Variants in IFT172 observed in about 807,000 individuals in gnomAD.
IFT172 encodes the protein intraflagellar transport 172.
IFT172 carries 164 observed loss-of-function variants against 248.9 expected under a neutral mutation model. That is an observed-to-expected ratio of 0.66 (90% CI 0.58 to 0.75). IFT172 has a LOEUF of 0.75. IFT172 is among the 30% of genes least tolerant of loss of function. The pLI is 0.00. For synonymous variants in IFT172, 729 were observed against 791.6 expected (o/e 0.92, Z 1.33); for missense variants, 1,950 against 2,192.4 (o/e 0.89, Z 2.21).
chr2:27,483,453 A>T, intron 6 of IFT172, 77 bp from the exon 7 acceptor site: 1 of 1,405,404 alleles, frequency 7.1e-7, no homozygotes, highest in South Asian at 1.2e-5. Flanking sequence ...TCTGTCAAAC[A>T]CAACCTTGTC....
At position 27,477,571 on chromosome 2, in the gene IFT172, A is replaced by G. The variant is rs746784372; in HGVS notation, c.1209T>C (p.Phe403=). Residue 403 remains phenylalanine, a synonymous_variant, in exon 12 of 48, where the codon TTT becomes TTC. Transcript: ENST00000260570. ...AAGCTCTACTCACATTCTCATTTTC[A>G]AAGAAATACTTCTCATTGCCACCAG... ...QGSGGNEKYF[F]ENENVCMIFN... 6.2e-7 allele frequency: 1 copy of G among 1,609,008 alleles called. No individual in the cohort carries two copies. Among genetic ancestry groups the G allele is most frequent in the Non-Finnish European group, 8.5e-7 (1 of 1,175,288 alleles).
In IFT172 at chr2:27,461,040, G is replaced by C; in HGVS notation, c.2496C>G (p.Tyr832Ter). The stretch of plus-strand genomic sequence containing the variant: ...CTTTCATGAATGCGTTGCCTTTACG[G>C]TAGCACTCCAGGGCCTTCTGTGGAT... ...IHNPQKALEC[Y>*]RKGNAFMKAV... Residue 832 changes from tyrosine to a stop codon, truncating the protein, a stop_gained, in exon 23 of 48, where the codon TAC becomes TAG. Coordinates refer to ENST00000260570, the MANE Select transcript of IFT172 (RefSeq NM_015662.3). LOFTEE classifies it high-confidence loss of function. 3.1e-6 allele frequency: 5 copies of C among 1,614,128 alleles called. No homozygotes were observed. Among genetic ancestry groups the C allele is most frequent in the Non-Finnish European group, 3.4e-6 (4 of 1,180,032 alleles).
intron 7 of IFT172, 86 bp downstream of exon 7, chr2:27,483,203 G>C (rs1404054453): frequency 7.2e-5 from 58 of 801,204 alleles, no homozygotes; most frequent in Non-Finnish European, 1.2e-4. Flanking sequence ...TTTTGGTAGA[G>C]ACAGGGTTTC....
chr2:27,449,435 A>G (rs1357528425), intron 38 of IFT172, 55 bp from the exon 39 acceptor site: 1 of 1,613,872 alleles, frequency 6.2e-7, no homozygotes, highest in African/African-American at 1.3e-5. Flanking sequence ...GAGGGAAAGA[A>G]GAGGGAGAGA....
At chr2:27,480,901 G>A (rs1442372925) in intron 8 of IFT172, 145 bp downstream of exon 8, 9 of 654,268 alleles carry the variant, frequency 1.4e-5, no homozygotes, top group African/African-American at 3.6e-5. Flanking sequence ...AATGGATAGC[G>A]GGAGCAGGAA....
In IFT172 at chr2:27,449,773, G is replaced by C; in HGVS notation, c.4078C>G (p.Leu1360Val). The C allele has an allele frequency of 6.2e-7, 1 of 1,613,854 alleles. No homozygotes were observed. The highest frequency in any genetic ancestry group is 1.1e-5 in the South Asian group (1 of 91,054). Residue 1360 changes from leucine (L) to valine (V), a missense_variant, in exon 37 of 48, where the codon CTT becomes GTT. Coordinates refer to ENST00000260570, the MANE Select transcript of IFT172 (RefSeq NM_015662.3). ...AAAELYLNLD[L>V]VKEAIDAFIE... The stretch of plus-strand genomic sequence containing the variant: ...AAAGCATCGATTGCTTCCTTGACAA[G>C]GTCCAGATTCAGATAGAGCTCTGCA...
chr2:27,479,505 T>C lies in IFT172; in HGVS notation c.1005+4A>G. The C allele has an allele frequency of 3.2e-6, 5 of 1,570,410 alleles. No individual in the cohort carries two copies. The highest frequency in any genetic ancestry group is 4.4e-6 in the Non-Finnish European group (5 of 1,140,174). ...TCAGTGCAGTAGGCTACCATCCTGCTTACCTGGCTAGGTCCCACATACGTC... is the reference window on the plus strand; with the variant it reads ...TCAGTGCAGTAGGCTACCATCCTGCCTACCTGGCTAGGTCCCACATACGTC... On this transcript the variant is annotated splice_donor_region_variant and intron_variant, in intron 10 of 47. Transcript: ENST00000260570.
At chr2:27,461,735 CTG>C (rs1666688920) in intron 21 of IFT172, 22 bp downstream of exon 21, 1 of 1,613,868 alleles carries the variant, frequency 6.2e-7, no homozygotes, top group Admixed American at 1.7e-5. Flanking sequence ...TTCTGAACAA[CTG>C]TGGAGAAGAT....
In IFT172 at chr2:27,454,339, T is replaced by C. The variant is rs1183655052; in HGVS notation, c.3530+15A>G. 1 of 1,614,022 alleles carries C rather than the reference T, an allele frequency of 6.2e-7. No homozygotes were observed. Among genetic ancestry groups the C allele is most frequent in the East Asian group, 2.2e-5 (1 of 44,882 alleles). On this transcript the variant is annotated intron_variant, in intron 32 of 47. Transcript: ENST00000260570. The surrounding 1 kb of genome is among the most constrained non-coding windows in gnomAD (Gnocchi z 4.2). ...ACTGGGGAAACAGTATTAAGGAATG[T>C]ATGGGGTAACTCACATGAGGACTGC... is the stretch of plus-strand genomic sequence containing the variant.
chr2:27,455,317 G>T, intron 30 of IFT172: 1 of 327,030 alleles, frequency 3.1e-6, no homozygotes, highest in South Asian at 2.6e-5. Flanking sequence ...AATAATTGAT[G>T]ATCACAGCTA....
chr2:27,476,532 C>A, intron 14 of IFT172, 109 bp downstream of exon 14: 1 of 688,446 alleles, frequency 1.5e-6, no homozygotes, highest in Admixed American at 2.3e-5. Context: ...TTACTATTTA[C>A]CTGGTGCGTC....
At chr2:27,485,612 C>T (rs991922449) in intron 1 of IFT172, 109 bp from the exon 2 acceptor site, 38 of 1,281,674 alleles carry the variant, frequency 3.0e-5, no homozygotes, top group South Asian at 5.7e-5. Flanking sequence ...CTTCCTGTCA[C>T]GGTTCTATCC....
intron 35 of IFT172, among the ~76,000 whole-genome samples, chr2:27,452,795 C>T (rs1278807077): frequency 6.6e-6 from 1 of 152,236 alleles, no homozygotes; most frequent in African/African-American, 2.4e-5. Context: ...ACCATGCCCA[C>T]CCATGTGGTC....
chr2:27,461,380 C>G lies in IFT172; in HGVS notation c.2331G>C (p.Gly777=), dbSNP rs1244485412. ...LAAISLYLKA[G]LPAKAARLVL... is the part of the protein sequence containing the mutation. ...CCAGCCGAGCAGCTTTGGCAGGGAG[C>G]CCAGCTTTGAGGTAGAGGCTGATGG... Residue 777 remains glycine (G), a synonymous_variant, in exon 22 of 48, where the codon GGG becomes GGC. Coordinates refer to ENST00000260570, the MANE Select transcript of IFT172 (RefSeq NM_015662.3). 3 of 1,614,114 alleles carry G rather than the reference C, an allele frequency of 1.9e-6. No individual in the cohort carries two copies. The highest frequency in any genetic ancestry group is 1.7e-5 in the Admixed American group (1 of 60,022).
chr2:27,448,067 A>G (rs546939809), intron 40 of IFT172, 145 bp from the exon 41 acceptor site: 28 of 404,504 alleles, frequency 6.9e-5, no homozygotes, highest in Non-Finnish European at 1.2e-4. Context: ...ACAGTGGCAG[A>G]TTTTTATTTT....
rs1667001758 is a variant in IFT172, at chr2:27,465,291, T to C, written c.1937+120A>G. ...TACTGCAGAAGGGCTCTATGCTATT[T>C]GCTGGCAGTGGGAAGGGAGGGAGTA... On this transcript the variant is annotated intron_variant, in intron 18 of 47. Coordinates refer to ENST00000260570, the MANE Select transcript of IFT172 (RefSeq NM_015662.3). The C allele has an allele frequency of 1.3e-4, 99 of 779,296 alleles. 1 individual carries two copies. In the South Asian group the frequency reaches 1.4e-3, roughly 11 times the overall value. 48.3% of individuals were successfully genotyped at this position (779,296 alleles called of 1,614,324 possible).
rs749066397 is a variant in IFT172 at position 27,449,378 on chromosome 2, C to A, written c.4227G>T (p.Leu1409=). 2.5e-6 allele frequency: 4 copies of A among 1,614,160 alleles called. No individual in the cohort carries two copies. The highest frequency in any genetic ancestry group is 1.3e-5 in the African/African-American group (1 of 75,040). The change falls in exon 39 of 48, where the codon CTG becomes CTT. Residue 1409 remains leucine (L), a splice_region_variant and synonymous_variant. Transcript: ENST00000260570. ...AAGCAGCTATCACATCCACACCCAC[C>A]AGCTGGGTCAATGGAAGACAGAGTT... The part of the protein sequence containing the change: ...FLKNQGKVDS[L]VGVDVIAALD...
At chr2:27,470,325 A>AAAAG (rs962933946) in intron 16 of IFT172, among the ~76,000 whole-genome samples, 1 of 152,102 alleles carries the variant, frequency 6.6e-6, no homozygotes, top group Non-Finnish European at 1.5e-5. Context: ...AAGAGAAAGA[A>AAAAG]AAAGAAAGAA....
chr2:27,478,529 G>A lies in IFT172; in HGVS notation c.1006-373C>T, dbSNP rs116809026. ...TCAGTATGTTGCTTAGACTGGCCTT[G>A]AACTCCTGGGTTCAAGCAATCCTCC... On this transcript the variant is annotated intron_variant, in intron 10 of 47. Coordinates refer to ENST00000260570, the MANE Select transcript of IFT172 (RefSeq NM_015662.3). 8.1e-3 allele frequency among the ~76,000 whole-genome samples: 1,235 copies of A among 152,196 alleles called. 19 individuals are homozygous for A. The highest frequency in any genetic ancestry group is 0.028 in the African/African-American group (1,177 of 41,524).
Sources: allele counts gnomAD v4.1 joint callset (sites outside exome capture counted in the v4.1 genomes callset), GRCh38; gene constraint gnomAD v4.1.1; non-coding constraint Gnocchi (gnomAD v3.1); transcripts MANE v1.5; gene names NCBI Gene and HGNC (gene_info 2026-07-23, HGNC 2026-07-21).